The following MYO3A variants were observed in gnomAD, a reference collection of about 807,000 sequenced individuals.
The protein encoded by MYO3A is myosin-IIIa.
MYO3A carries 180 observed loss-of-function variants against 192.7 expected under a neutral mutation model. The ratio of observed to expected loss-of-function variants is 0.93; its 90% CI spans 0.83 to 1.06. MYO3A has a LOEUF of 1.06. Among genes scored for constraint, MYO3A ranks in the 50% least tolerant of loss-of-function variants. The pLI is 0.00. For synonymous variants in MYO3A, 628 were observed against 645.3 expected (o/e 0.97, Z 0.41); for missense variants, 1,896 against 1,905.0 (o/e 1.00, Z 0.09).
chr10:26,134,928 A>G (rs1348476382), intron 20 of MYO3A, among the ~76,000 whole-genome samples: 1 of 152,182 alleles, frequency 6.6e-6, no homozygotes, highest in Admixed American at 6.5e-5. Flanking sequence ...GACTTCAGGG[A>G]CTATATATGT....
At chr10:26,211,791 G>A in intron 34 of MYO3A, 52 bp from the exon 35 acceptor site, 1 of 1,610,494 alleles carries the variant, frequency 6.2e-7, no homozygotes, top group Non-Finnish European at 8.5e-7. Flanking sequence ...AGGTGGGGAC[G>A]CGCTGCTCAC....
In MYO3A at chr10:26,211,868, A is replaced by G. The variant is rs751429116; in HGVS notation, c.4756A>G (p.Lys1586Glu). ...GTGCTGGGCGGCGGAGAGCCCCGAG[A>G]AGGAGGAGGAGAGAGAGCCAGCAGC... ...ERCWAAESPE[K>E]EEEREPAANP... Residue 1586 changes from lysine (K) to glutamate (E), a missense_variant, in exon 35 of 35, where the codon AAG (lysine) becomes GAG (glutamate). Coordinates refer to ENST00000642920, the MANE Select transcript of MYO3A (RefSeq NM_017433.5). 1.9e-6 allele frequency: 3 copies of G among 1,613,948 alleles called. No individual in the cohort carries two copies. Among genetic ancestry groups the G allele is most frequent in the Non-Finnish European group, 2.5e-6 (3 of 1,179,978 alleles).
At chr10:25,983,815 T>G (rs930997534) in intron 4 of MYO3A, among the ~76,000 whole-genome samples, 4 of 152,192 alleles carry the variant, frequency 2.6e-5, no homozygotes, top group African/African-American at 4.8e-5. Context: ...GTCATCAGGT[T>G]ATCTAAAGTC....
In MYO3A at chr10:26,039,621, A is replaced by C. The variant is rs115615713; in HGVS notation, c.953+13089A>C. Among the ~76,000 whole-genome samples, 584 of 152,050 alleles carry C rather than the reference A, an allele frequency of 3.8e-3. 3 individuals are homozygous for C. Among genetic ancestry groups the C allele is most frequent in the African/African-American group, 0.014 (563 of 41,486 alleles). On this transcript the variant is annotated intron_variant, in intron 10 of 34. Coordinates refer to ENST00000642920, the MANE Select transcript of MYO3A (RefSeq NM_017433.5). Reference sequence around the variant, plus strand: ...TTATGGTTCAATCTTGGTAGGTTGTATGTGTCTGGGAATTTATTTATTCTA... The same window carrying C: ...TTATGGTTCAATCTTGGTAGGTTGTCTGTGTCTGGGAATTTATTTATTCTA...
In MYO3A at chr10:26,128,444, A is replaced by C; in HGVS notation, c.2168A>C (p.Asn723Thr). Residue 723 changes from asparagine (N) to threonine (T), a missense_variant, in exon 20 of 35, where the codon AAT becomes ACT. By Grantham distance (65) the Asn-to-Thr change is moderately conservative. Coordinates refer to ENST00000642920, the MANE Select transcript of MYO3A (RefSeq NM_017433.5). ...IGILDIFGFENFKKNSFEQLC... is the reference protein window; with the variant it reads ...IGILDIFGFETFKKNSFEQLC... ...ATTCTTGATATATTTGGCTTTGAAA[A>C]TTTCAAAAAAAATTCCTTCGAGCAG... 6.2e-7 allele frequency: 1 copy of C among 1,612,926 alleles called. No homozygotes were observed.
rs1839167510 is a variant in MYO3A, at chr10:26,125,514, G to A, written c.2020G>A (p.Val674Ile). ...CAATACTGTAGAAAAAGCTACCGAT[G>A]TCAGGGATGCCATGGCTAAAACTTT... ...RPNTVEKATD[V>I]RDAMAKTLYG... Residue 674 changes from valine (V) to isoleucine (I), a missense_variant, in exon 19 of 35, where the codon GTC becomes ATC. Coordinates refer to ENST00000642920, the MANE Select transcript of MYO3A (RefSeq NM_017433.5). 1.2e-6 allele frequency: 2 copies of A among 1,613,962 alleles called. No individual in the cohort carries two copies. Among genetic ancestry groups the A allele is most frequent in the Non-Finnish European group, 1.7e-6 (2 of 1,179,954 alleles).
intron 10 of MYO3A, among the ~76,000 whole-genome samples, chr10:26,046,496 C>A (rs552821099): frequency 6.6e-6 from 1 of 152,178 alleles, no homozygotes; most frequent in Non-Finnish European, 1.5e-5. Context: ...AGTGCCCTCA[C>A]CCTGGAGCAC....
intron 17 of MYO3A, among the ~76,000 whole-genome samples, chr10:26,103,763 T>C (rs1837620383): frequency 6.6e-6 from 1 of 152,176 alleles, no homozygotes; most frequent in African/African-American, 2.4e-5. Flanking sequence ...CACTAAATTG[T>C]TCAACTGTTC....
rs532890690 is a variant in MYO3A at position 25,993,960 on chromosome 10, G to A, written c.304-2530G>A. On this transcript the variant is annotated intron_variant, in intron 4 of 34. Coordinates refer to ENST00000642920, the MANE Select transcript of MYO3A (RefSeq NM_017433.5). The stretch of plus-strand genomic sequence containing the variant: ...ATGTGGTCAGTTTTGGCATAGGTGC[G>A]GTGTGGTTCTGAGAAGAACGTATAT... Among the ~76,000 whole-genome samples, 59 of 152,226 alleles carry A rather than the reference G, an allele frequency of 3.9e-4. 1 individual carries two copies. The highest frequency in any genetic ancestry group is 1.2e-3 in the African/African-American group (50 of 41,522).
intron 14 of MYO3A, among the ~76,000 whole-genome samples, chr10:26,071,931 G>A (rs146124351): frequency 1.4e-4 from 22 of 152,234 alleles, no homozygotes; most frequent in Non-Finnish European, 1.2e-4. Context: ...AGAACTTTCC[G>A]AGACTGGGTA....
chr10:26,007,496 T>C (rs7098645), intron 6 of MYO3A, among the ~76,000 whole-genome samples: 99,717 of 150,542 alleles, frequency 0.66, 33,437 homozygotes, highest in Middle Eastern at 0.76. Flanking sequence ...TCGTCTCAGC[T>C]GAAAATCTGC....
intron 19 of MYO3A, among the ~76,000 whole-genome samples, chr10:26,128,012 T>C (rs1165080572): frequency 6.6e-6 from 1 of 152,144 alleles, no homozygotes; most frequent in Non-Finnish European, 1.5e-5. Flanking sequence ...ATTTTTGCTT[T>C]CCTGGGAGAG....
At chr10:26,011,426 C>A (rs1841650852) in intron 6 of MYO3A, among the ~76,000 whole-genome samples, 1 of 151,134 alleles carries the variant, frequency 6.6e-6, no homozygotes, top group South Asian at 2.1e-4. Flanking sequence ...GGAAGTGAGA[C>A]CATGTCTAAA....
At chr10:26,069,990 G>C in intron 12 of MYO3A, 121 bp from the exon 13 acceptor site, 1 of 684,958 alleles carries the variant, frequency 1.5e-6, no homozygotes, top group South Asian at 1.9e-5. Context: ...TAATGTTTTG[G>C]TGGAATGAAA....
intron 19 of MYO3A, among the ~76,000 whole-genome samples, chr10:26,128,089 A>G (rs1165461378): frequency 6.6e-6 from 1 of 151,924 alleles, no homozygotes; most frequent in Non-Finnish European, 1.5e-5. Flanking sequence ...TTCCTGACTC[A>G]CTCAAGCCTG....
chr10:26,106,442 C>G (rs1837805935), intron 17 of MYO3A, among the ~76,000 whole-genome samples: 2 of 152,048 alleles, frequency 1.3e-5, no homozygotes, highest in South Asian at 4.2e-4. Context: ...GATATATAAT[C>G]ATGTCATTAG....
intron 27 of MYO3A, 193 bp downstream of exon 27, chr10:26,166,371 A>C (rs552595167): frequency 6.4e-6 from 4 of 620,600 alleles, no homozygotes; most frequent in Non-Finnish European, 1.1e-5. Context: ...CTCTTCATAA[A>C]GATTTCTTTT....
At chr10:26,211,729 A>T in intron 34 of MYO3A, 114 bp from the exon 35 acceptor site, 1 of 1,516,970 alleles carries the variant, frequency 6.6e-7, no homozygotes, top group Non-Finnish European at 9.0e-7. Flanking sequence ...CCTTTCCTAA[A>T]TGTCCGCGGT....
intron 32 of MYO3A, among the ~76,000 whole-genome samples, chr10:26,200,537 T>C (rs1843634739): frequency 6.6e-6 from 1 of 152,216 alleles, no homozygotes; most frequent in South Asian, 2.1e-4. Flanking sequence ...AAAAACACAT[T>C]ACTAATGCTA....
Sources: gnomAD v4.1 joint callset for allele counts (sites outside exome capture counted in the v4.1 genomes callset) on GRCh38, gnomAD v4.1.1 for gene constraint, MANE v1.5 for transcripts, NCBI Gene and HGNC (gene_info 2026-07-23, HGNC 2026-07-21) for gene names.